Variants in GRM8 observed in about 807,000 individuals in gnomAD.
GRM8 encodes glutamate metabotropic receptor 8, also known as metabotropic glutamate receptor 8.
GRM8 carries 47 observed loss-of-function variants against 87.2 expected under a neutral mutation model. The observed-to-expected ratio is 0.54, with a 90% confidence interval of 0.43 to 0.69. The LOEUF (loss-of-function observed/expected upper bound fraction) is 0.69. Ranked by LOEUF, GRM8 falls within the 30% of genes least tolerant of loss-of-function variation. The pLI, the probability that GRM8 is intolerant of heterozygous loss-of-function variation, is 0.00. For synonymous variants in GRM8, 396 were observed against 404.5 expected (o/e 0.98, Z 0.25); for missense variants, 1,019 against 1,139.2 (o/e 0.89, Z 1.52).
intron 9 of GRM8, among the ~76,000 whole-genome samples, chr7:126,483,772 C>T (rs1225561480): frequency 7.2e-6 from 1 of 138,322 alleles, no homozygotes; most frequent in Admixed American, 7.4e-5. Flanking sequence ...TCCCTCCCTC[C>T]CTTCCTCCCC....
At chr7:126,966,343 C>T (rs1204378735) in intron 3 of GRM8, among the ~76,000 whole-genome samples, 2 of 152,066 alleles carry the variant, frequency 1.3e-5, no homozygotes, top group Non-Finnish European at 2.9e-5. Context: ...CTATGTTGTC[C>T]AGGCTGGTCT....
intron 2 of GRM8, among the ~76,000 whole-genome samples, chr7:127,207,959 G>A (rs979715658): frequency 2.6e-5 from 4 of 152,002 alleles, no homozygotes; most frequent in African/African-American, 7.3e-5. Flanking sequence ...AACCAGCACC[G>A]GCCTCAAGAT....
At chr7:126,632,607 C>T (rs923094049) in intron 7 of GRM8, among the ~76,000 whole-genome samples, 1 of 152,030 alleles carries the variant, frequency 6.6e-6, no homozygotes, top group African/African-American at 2.4e-5. Context: ...ACACTATTCA[C>T]AATAAAAAAG....
intron 3 of GRM8, among the ~76,000 whole-genome samples, chr7:127,096,816 A>G (rs1239208753): frequency 6.6e-6 from 1 of 152,200 alleles, no homozygotes; most frequent in Non-Finnish European, 1.5e-5. Context: ...ATGAACCTAC[A>G]GATTATAGGT....
rs373644642 is a variant in GRM8, at chr7:126,692,184, G to A, written c.1357+77681C>T. Among the ~76,000 whole-genome samples, 5 of 152,138 alleles carry A rather than the reference G, an allele frequency of 3.3e-5. No homozygotes were observed. The East Asian group carries it at 9.6e-4, about 29-fold the overall frequency. ...TAAAGACCTTGACACAGAAGTGAGT[G>A]GGCTAACGAACTTTCTCCATCCAAC... On this transcript the variant is annotated intron_variant, in intron 7 of 10. Transcript: ENST00000339582.
chr7:126,778,208 A>G (rs1348721003), intron 6 of GRM8, among the ~76,000 whole-genome samples: 1 of 152,148 alleles, frequency 6.6e-6, no homozygotes, highest in Non-Finnish European at 1.5e-5. Flanking sequence ...TTCTTCTGTA[A>G]TTTAAATGTA....
At chr7:127,169,058 T>G (rs1343502109) in intron 2 of GRM8, among the ~76,000 whole-genome samples, 1 of 142,942 alleles carries the variant, frequency 7.0e-6, no homozygotes, top group Non-Finnish European at 1.5e-5. Flanking sequence ...CTATGTGGAA[T>G]AAAAATCAAA....
chr7:127,041,824 C>A (rs1321884189), intron 3 of GRM8, among the ~76,000 whole-genome samples: 1 of 152,160 alleles, frequency 6.6e-6, no homozygotes, highest in African/African-American at 2.4e-5. Context: ...GGTTGGCTGG[C>A]ACAGCTGAGT....
At chr7:126,867,571 C>A (rs766434858) in intron 6 of GRM8, among the ~76,000 whole-genome samples, 2 of 152,110 alleles carry the variant, frequency 1.3e-5, no homozygotes, top group African/African-American at 4.8e-5. Flanking sequence ...GTCTGCATTT[C>A]TTTCTATATT....
At chr7:127,016,473 G>C (rs1486856410) in intron 3 of GRM8, among the ~76,000 whole-genome samples, 1 of 151,928 alleles carries the variant, frequency 6.6e-6, no homozygotes, top group Non-Finnish European at 1.5e-5. Flanking sequence ...TATAAAATTG[G>C]GGAAATTAAG....
intron 9 of GRM8, among the ~76,000 whole-genome samples, chr7:126,532,543 C>G (rs1028904822): frequency 6.6e-6 from 1 of 151,874 alleles, no homozygotes; most frequent in Admixed American, 6.6e-5. Context: ...GGACAGCTCA[C>G]CCCTGTGAAC....
At chr7:126,861,973 G>T (rs1798175845) in intron 6 of GRM8, among the ~76,000 whole-genome samples, 1 of 151,452 alleles carries the variant, frequency 6.6e-6, no homozygotes, top group African/African-American at 2.4e-5. Flanking sequence ...TTTTTGTTTT[G>T]TTTTGTTTGG....
intron 9 of GRM8, among the ~76,000 whole-genome samples, chr7:126,466,896 G>T (rs982191740): frequency 1.3e-5 from 2 of 151,962 alleles, no homozygotes; most frequent in Middle Eastern, 3.4e-3. Flanking sequence ...GCATCCCTTT[G>T]CCCAGTTAAG....
chr7:126,552,900 T>C (rs1171950554), intron 8 of GRM8, among the ~76,000 whole-genome samples: 1 of 152,156 alleles, frequency 6.6e-6, no homozygotes, highest in East Asian at 1.9e-4. Flanking sequence ...CTCTTATTTA[T>C]AACTTACTAA....
At chr7:126,620,309 CAT>C (rs1799987426) in intron 7 of GRM8, among the ~76,000 whole-genome samples, 1 of 152,166 alleles carries the variant, frequency 6.6e-6, no homozygotes, top group Non-Finnish European at 1.5e-5. Flanking sequence ...TTTCCATCCA[CAT>C]GTGCTAGTGC....
At chr7:127,005,657 C>T (rs768088886) in intron 3 of GRM8, among the ~76,000 whole-genome samples, 81 of 151,792 alleles carry the variant, frequency 5.3e-4, no homozygotes, top group Non-Finnish European at 1.0e-3. Flanking sequence ...AACTAGTTCA[C>T]TGTATACCTC....
At chr7:126,578,858 T>TA (rs1248193445) in intron 8 of GRM8, among the ~76,000 whole-genome samples, 1 of 152,096 alleles carries the variant, frequency 6.6e-6, no homozygotes, top group South Asian at 2.1e-4. Flanking sequence ...AAAAAGAACT[T>TA]AAAAAAGACC....
intron 2 of GRM8, among the ~76,000 whole-genome samples, chr7:127,227,923 C>G (rs1446053560): frequency 1.3e-5 from 2 of 152,218 alleles, no homozygotes; most frequent in Non-Finnish European, 2.9e-5. Flanking sequence ...ATCTGCCATT[C>G]TAGCCAGCGA....
rs772332271 is a variant in GRM8 at position 127,106,590 on chromosome 7, T to C, written c.633A>G (p.Thr211=). 5 of 1,614,124 alleles carry C rather than the reference T, an allele frequency of 3.1e-6. No homozygotes were observed. The highest frequency in any genetic ancestry group is 4.2e-6 in the Non-Finnish European group (5 of 1,179,990). The part of the protein sequence containing the change: ...YQAQAMVDIV[T]ALGWNYVSTL... ...TCGAAACATAATTCCATCCCAGTGC[T>C]GTCACGATGTCCACCATGGCTTGGG... is the stretch of plus-strand genomic sequence containing the variant. The change falls in exon 3 of 11, where the codon ACA becomes ACG. Residue 211 remains threonine (T), a synonymous_variant. Transcript: ENST00000339582.
Sources: gnomAD v4.1 joint callset for allele counts (sites outside exome capture counted in the v4.1 genomes callset) on GRCh38, gnomAD v4.1.1 for gene constraint, MANE v1.5 for transcripts, NCBI Gene and HGNC (gene_info 2026-07-23, HGNC 2026-07-21) for gene names.